Variants in SDK1 observed in about 807,000 individuals in gnomAD.
SDK1 encodes the protein protein sidekick-1.
A neutral mutation model predicts 245.5 loss-of-function variants in SDK1; 157 were observed. The ratio of observed to expected loss-of-function variants is 0.64; its 90% CI spans 0.56 to 0.73. The LOEUF is 0.73. SDK1 is among the 30% of genes least tolerant of loss of function. The pLI is 0.00. For missense variants in SDK1, 3,583 were observed against 3,002.3 expected (o/e 1.19, Z -4.52); for synonymous variants, 1,647 against 1,278.5 (o/e 1.29, Z -6.15).
Position 4,023,998 on chromosome 7 carries a change from AGGGGT to A in SDK1, c.2602+6647_2602+6651del, listed in dbSNP as rs566132996. On this transcript the variant is annotated intron_variant, in intron 17 of 44. Transcript: ENST00000404826. The stretch of plus-strand genomic sequence containing the variant: ...AGACGCAGATGTTGGTTTTTCTAGA[AGGGGT>A]CCAGAGACAAATTATGCTATAAATC... Among the ~76,000 whole-genome samples, 26 of 152,358 alleles carry A rather than the reference AGGGGT, an allele frequency of 1.7e-4. No individual in the cohort carries two copies. The East Asian group carries it at 5.0e-3, about 29-fold the overall frequency.
chr7:4,122,449 G>A (rs949068909), intron 25 of SDK1, among the ~76,000 whole-genome samples: 16 of 152,292 alleles, frequency 1.1e-4, no homozygotes, highest in African/African-American at 3.6e-4. Flanking sequence ...TCCCCTCAAT[G>A]GAAATAGCAG....
chr7:3,687,177 C>T (rs1425749184), intron 4 of SDK1, among the ~76,000 whole-genome samples: 4 of 143,212 alleles, frequency 2.8e-5, no homozygotes, highest in African/African-American at 7.8e-5. Flanking sequence ...CACAAATGTT[C>T]TTTTTTTTTT....
At chr7:3,305,779 G>A (rs981385521) in intron 1 of SDK1, among the ~76,000 whole-genome samples, 1 of 151,588 alleles carries the variant, frequency 6.6e-6, no homozygotes, top group African/African-American at 2.4e-5. Context: ...CCAACAATAA[G>A]CAGTTATTAC....
intron 1 of SDK1, among the ~76,000 whole-genome samples, chr7:3,476,951 C>T (rs959904304): frequency 6.6e-6 from 1 of 152,212 alleles, no homozygotes; most frequent in East Asian, 1.9e-4. Context: ...AGGACGGAGA[C>T]TCTGTAGGCG....
chr7:4,156,469 C>T (rs982037320), intron 30 of SDK1, among the ~76,000 whole-genome samples: 6 of 152,114 alleles, frequency 3.9e-5, no homozygotes, highest in East Asian at 1.9e-4. Flanking sequence ...CAGTTGTGGA[C>T]GCTGAGTGCA....
intron 1 of SDK1, among the ~76,000 whole-genome samples, chr7:3,304,754 C>T (rs1251590301): frequency 2.6e-5 from 4 of 152,132 alleles, no homozygotes; most frequent in African/African-American, 4.8e-5. Context: ...TGTGTTTCCC[C>T]CTATTCCAGA....
chr7:3,646,486 G>C (rs1043472838), intron 4 of SDK1, among the ~76,000 whole-genome samples: 20 of 151,992 alleles, frequency 1.3e-4, no homozygotes, highest in African/African-American at 4.4e-4. Flanking sequence ...GGTATAATTA[G>C]CTCTATGTAT....
chr7:3,962,794 T>A lies in SDK1; in HGVS notation c.1372T>A (p.Cys458Ser). 1 of 1,613,658 alleles carries A rather than the reference T, an allele frequency of 6.2e-7. No individual in the cohort carries two copies. Among genetic ancestry groups the A allele is most frequent in the Non-Finnish European group, 8.5e-7 (1 of 1,179,848 alleles). The change falls in exon 9 of 45, where the codon TGC becomes AGC. Residue 458 changes from cysteine (C) to serine (S), a missense_variant. By Grantham distance (112) the Cys-to-Ser change is moderately radical. Coordinates refer to ENST00000404826, the MANE Select transcript of SDK1 (RefSeq NM_152744.4). ...TCCAGAGGACTCCGGAATCTTCCAG[T>A]GCTTCGCCAGCAATGAAGGAGGGGA... ...LRPEDSGIFQ[C>S]FASNEGGEIQ... is the part of the protein sequence containing the mutation.
At chr7:4,067,755 A>T in intron 19 of SDK1, 83 bp from the exon 20 acceptor site, 1 of 974,264 alleles carries the variant, frequency 1.0e-6, no homozygotes, top group Non-Finnish European at 1.6e-6. Context: ...CTTTCCTTCC[A>T]TAGTTAGAAC....
intron 1 of SDK1, among the ~76,000 whole-genome samples, chr7:3,618,284 C>G (rs1015839259): frequency 6.6e-6 from 1 of 152,156 alleles, no homozygotes; most frequent in East Asian, 1.9e-4. Flanking sequence ...CATAAGCCAT[C>G]CCATTACCTT....
intron 3 of SDK1, 93 bp from the exon 4 acceptor site, chr7:3,641,865 C>G (rs1782660750): frequency 1.2e-5 from 13 of 1,041,092 alleles, no homozygotes; most frequent in Non-Finnish European, 1.7e-5. Context: ...GCATCAGTGA[C>G]TTTACTGTAA....
At chr7:3,438,144 A>G (rs766376925) in intron 1 of SDK1, among the ~76,000 whole-genome samples, 36 of 152,280 alleles carry the variant, frequency 2.4e-4, no homozygotes, top group African/African-American at 7.9e-4. Context: ...AGTGCTTTTA[A>G]TGTTCTGCAT....
intron 4 of SDK1, among the ~76,000 whole-genome samples, chr7:3,761,766 G>A (rs770668395): frequency 3.9e-4 from 59 of 152,158 alleles, no homozygotes; most frequent in Admixed American, 1.8e-3. Flanking sequence ...ATGAAATCAT[G>A]CAGGACAGGA....
intron 9 of SDK1, 65 bp from the exon 10 acceptor site, chr7:3,967,253 C>G: frequency 7.9e-7 from 1 of 1,269,372 alleles, no homozygotes; most frequent in South Asian, 1.2e-5. Flanking sequence ...GCAGGATACT[C>G]TGCCAGGCTG....
At chr7:3,497,456 G>A (rs1019247410) in intron 1 of SDK1, among the ~76,000 whole-genome samples, 1 of 152,154 alleles carries the variant, frequency 6.6e-6, no homozygotes, top group African/African-American at 2.4e-5. Context: ...TTATGAAAGT[G>A]CTATGTGTAG....
At chr7:3,984,966 C>T (rs913674999) in intron 13 of SDK1, among the ~76,000 whole-genome samples, 1 of 152,258 alleles carries the variant, frequency 6.6e-6, no homozygotes. Context: ...TCCTACCACT[C>T]TCACCGACCC....
intron 32 of SDK1, among the ~76,000 whole-genome samples, chr7:4,166,987 A>G (rs1301211544): frequency 6.6e-6 from 1 of 151,900 alleles, no homozygotes; most frequent in African/African-American, 2.4e-5. Context: ...CCTTCCCTCC[A>G]CTCAACTCTG....
intron 14 of SDK1, among the ~76,000 whole-genome samples, chr7:3,999,049 A>G (rs1167832371): frequency 2.0e-5 from 3 of 152,140 alleles, no homozygotes; most frequent in Non-Finnish European, 4.4e-5. Flanking sequence ...ATGTCATTGT[A>G]TCACCCAATT....
At chr7:3,632,680 A>G (rs1044977961) in intron 2 of SDK1, among the ~76,000 whole-genome samples, 2 of 152,216 alleles carry the variant, frequency 1.3e-5, no homozygotes, top group African/African-American at 2.4e-5. Context: ...CATCGTTACC[A>G]TACTGTTTAA....
Sources: allele counts gnomAD v4.1 joint callset (sites outside exome capture counted in the v4.1 genomes callset), GRCh38; gene constraint gnomAD v4.1.1; transcripts MANE v1.5; gene names NCBI Gene and HGNC (gene_info 2026-07-23, HGNC 2026-07-21).